Variants in EZH1 observed in about 807,000 individuals in gnomAD.
EZH1 encodes the protein enhancer of zeste 1 polycomb repressive complex 2 subunit, also known as histone-lysine N-methyltransferase EZH1.
Under a neutral mutation model 100.5 loss-of-function variants are expected in EZH1, and 33 were observed. The ratio of observed to expected loss-of-function variants is 0.33; its 90% CI spans 0.25 to 0.44. EZH1 has a LOEUF of 0.44. EZH1 is among the 20% of genes least tolerant of loss of function. The pLI is 1.00. For synonymous variants in EZH1, 272 were observed against 313.8 expected (o/e 0.87, Z 1.41); for missense variants, 475 against 928.4 (o/e 0.51, Z 6.35).
At chr17:42,711,840 GA>G (rs2053488706) in intron 12 of EZH1, among the ~76,000 whole-genome samples, 1 of 152,050 alleles carries the variant, frequency 6.6e-6, no homozygotes, top group African/African-American at 2.4e-5. Flanking sequence ...TCTAGTGATA[GA>G]AAATGTGGAG....
chr17:42,726,218 T>G (rs1020688211), intron 4 of EZH1, among the ~76,000 whole-genome samples: 3 of 142,912 alleles, frequency 2.1e-5, no homozygotes, highest in African/African-American at 7.8e-5. Context: ...AGTCTCTTTT[T>G]TTTTTTTTTT....
At chr17:42,744,903 A>AT in intron 1 of EZH1, 108 bp downstream of exon 1, 1 of 1,144,900 alleles carries the variant, frequency 8.7e-7, no homozygotes, top group Non-Finnish European at 1.1e-6. Flanking sequence ...TGTCCCTCGG[A>AT]TTCCTTCCAA....
intron 5 of EZH1, among the ~76,000 whole-genome samples, chr17:42,723,504 G>A (rs889705894): frequency 1.3e-5 from 2 of 152,040 alleles, no homozygotes; most frequent in African/African-American, 4.8e-5. Flanking sequence ...CTATAAGATG[G>A]ACTAAGATTC....
Position 42,718,814 on chromosome 17 carries a change from G to A in EZH1, c.768-197C>T, listed in dbSNP as rs924186861. Among the ~76,000 whole-genome samples, 1 of 152,106 alleles carries A rather than the reference G, an allele frequency of 6.6e-6. No homozygotes were observed. The highest frequency in any genetic ancestry group is 1.5e-5 in the Non-Finnish European group (1 of 68,024). On this transcript the variant is annotated intron_variant, in intron 8 of 20. Transcript: ENST00000428826. The surrounding 1 kb of genome is among the most constrained non-coding windows in gnomAD (Gnocchi z 4.2). ...ATTATGCTGGGTTGGGCAAATGTTG[G>A]AAAGTAAGGGGAGGGAAGGATTTGT...
intron 1 of EZH1, chr17:42,732,002 A>G (rs1029418935): frequency 4.6e-5 from 7 of 152,052 alleles, no homozygotes; most frequent in Admixed American, 3.9e-4. Flanking sequence ...AATTTCCTAC[A>G]CATTTATTTT....
At position 42,703,664 on chromosome 17, in the gene EZH1, A is replaced by G. The variant is rs968549646; in HGVS notation, c.2098+76T>C. The G allele has an allele frequency of 2.8e-6, 3 of 1,080,458 alleles. No homozygotes were observed. The African/African-American group carries it at 4.7e-5, about 17-fold the overall frequency. The allele number at this position is 1,080,458 out of a possible 1,614,324, so 66.9% of individuals were successfully genotyped here. A position where few individuals can be genotyped will look rare whatever the true frequency, so the allele number is the denominator to read the frequency against. ...ACAAAAAATAGCTCAGCTAAGGAAA[A>G]TGTTCAACAACGAATGGAAATCACA... is the stretch of plus-strand genomic sequence containing the variant. On this transcript the variant is annotated intron_variant, in intron 19 of 20. Coordinates refer to ENST00000428826, the MANE Select transcript of EZH1 (RefSeq NM_001991.5).
intron 1 of EZH1, among the ~76,000 whole-genome samples, chr17:42,734,093 G>C (rs1001368166): frequency 6.7e-6 from 1 of 148,656 alleles, no homozygotes; most frequent in East Asian, 2.0e-4. Context: ...TGTCACCCAA[G>C]CTGGAGTGTA....
chr17:42,732,405 A>G (rs2053967976), intron 1 of EZH1, among the ~76,000 whole-genome samples: 1 of 151,850 alleles, frequency 6.6e-6, no homozygotes, highest in South Asian at 2.1e-4. Flanking sequence ...GGCCAAGCTG[A>G]GAGGATAGCC....
At chr17:42,741,641 G>C (rs1006051733) in intron 1 of EZH1, among the ~76,000 whole-genome samples, 1 of 152,140 alleles carries the variant, frequency 6.6e-6, no homozygotes, top group Non-Finnish European at 1.5e-5. Flanking sequence ...ATGAAGCCAG[G>C]TTTCAGACCC....
At chr17:42,723,244 G>C (rs560246166) in intron 5 of EZH1, among the ~76,000 whole-genome samples, 1 of 151,944 alleles carries the variant, frequency 6.6e-6, no homozygotes, top group African/African-American at 2.4e-5. Context: ...GCGTGGTGGC[G>C]CATGCCTGTA....
chr17:42,712,093 C>T (rs1000569823), intron 12 of EZH1, among the ~76,000 whole-genome samples, 196 bp downstream of exon 12: 2 of 152,136 alleles, frequency 1.3e-5, no homozygotes, highest in Admixed American at 1.3e-4. Flanking sequence ...GGAGGCGGGT[C>T]CCCAAACATC....
intron 17 of EZH1, 100 bp downstream of exon 17, chr17:42,704,988 T>A: frequency 9.7e-7 from 1 of 1,031,400 alleles, no homozygotes; most frequent in Non-Finnish European, 1.5e-6. Flanking sequence ...CACAGCTGAG[T>A]TATTTAGAGA....
At chr17:42,724,520 C>A in intron 4 of EZH1, 96 bp from the exon 5 acceptor site, 1 of 1,453,316 alleles carries the variant, frequency 6.9e-7, no homozygotes, top group Non-Finnish European at 9.4e-7. Flanking sequence ...CATAGTGGCT[C>A]ATGCCAGTAA....
In EZH1 at chr17:42,728,955, A is replaced by G. The variant is rs1296554481; in HGVS notation, c.-11-3T>C. Reference sequence around the variant, plus strand: ...TGGTATTTCCATCTTGCTGTAATCTAAGAGAGACAGAGATGAGAAATAGCA... The same window carrying G: ...TGGTATTTCCATCTTGCTGTAATCTGAGAGAGACAGAGATGAGAAATAGCA... On this transcript the variant is annotated splice_region_variant and splice_polypyrimidine_tract_variant and intron_variant, in intron 2 of 20. Transcript: ENST00000428826. The G allele has an allele frequency of 1.2e-6, 2 of 1,608,698 alleles. No individual in the cohort carries two copies. Among genetic ancestry groups the G allele is most frequent in the South Asian group, 2.2e-5 (2 of 89,756 alleles).
intron 10 of EZH1, among the ~76,000 whole-genome samples, chr17:42,715,360 C>T (rs1012602920): frequency 4.0e-5 from 6 of 150,886 alleles, no homozygotes; most frequent in African/African-American, 1.2e-4. Flanking sequence ...CAGCCTTGAC[C>T]TTCTAGGCTC....
At chr17:42,710,619 G>GTT (rs1201432308) in intron 12 of EZH1, among the ~76,000 whole-genome samples, 1 of 138,162 alleles carries the variant, frequency 7.2e-6, no homozygotes, top group Non-Finnish European at 1.6e-5. Flanking sequence ...TCATGGTTCT[G>GTT]TTTTTGTTTG....
At chr17:42,716,667 T>C (rs79117962) in intron 10 of EZH1, among the ~76,000 whole-genome samples, 1 of 152,240 alleles carries the variant, frequency 6.6e-6, no homozygotes, top group African/African-American at 2.4e-5. Context: ...ACATGGCATA[T>C]ATATTTTTTT....
At chr17:42,729,057 A>G in intron 2 of EZH1, 105 bp from the exon 3 acceptor site, 2 of 1,217,020 alleles carry the variant, frequency 1.6e-6, no homozygotes, top group South Asian at 3.1e-5. Context: ...TTCCCATTAA[A>G]TTTACTCATA....
chr17:42,704,522 T>C (rs1338396373), intron 18 of EZH1, 80 bp downstream of exon 18: 3 of 1,166,144 alleles, frequency 2.6e-6, no homozygotes, highest in Admixed American at 4.2e-5. Flanking sequence ...CACCCTAGCC[T>C]GGGCAACAGA....
Sources: allele counts gnomAD v4.1 joint callset (sites outside exome capture counted in the v4.1 genomes callset), GRCh38; gene constraint gnomAD v4.1.1; non-coding constraint Gnocchi (gnomAD v3.1); transcripts MANE v1.5; gene names NCBI Gene and HGNC (gene_info 2026-07-23, HGNC 2026-07-21).